WDR7: variants seen among roughly 807,000 people sequenced by gnomAD.
WDR7 encodes WD repeat-containing protein 7.
WDR7 carries 46 observed loss-of-function variants against 169.4 expected under a neutral mutation model. The observed-to-expected ratio is 0.27, with a 90% CI of 0.21 to 0.35. The LOEUF is 0.35. WDR7 is among the 10% of genes least tolerant of loss of function. WDR7 has a pLI of 1.00. For missense variants in WDR7, 1,534 were observed against 1,859.3 expected (o/e 0.83, Z 3.22); for synonymous variants, 612 against 666.8 (o/e 0.92, Z 1.27).
chr18:56,729,635 C>T (rs954704502), intron 13 of WDR7, among the ~76,000 whole-genome samples: 3 of 151,954 alleles, frequency 2.0e-5, no homozygotes, highest in African/African-American at 7.2e-5. Flanking sequence ...TTGACACAGT[C>T]TACTAATGTT....
intron 26 of WDR7, among the ~76,000 whole-genome samples, chr18:57,019,051 T>G (rs938841812): frequency 3.9e-5 from 6 of 152,188 alleles, no homozygotes; most frequent in African/African-American, 1.4e-4. Context: ...TCACATCTAT[T>G]TCATCAAATG....
intron 26 of WDR7, among the ~76,000 whole-genome samples, chr18:56,974,522 T>C (rs1182669675): frequency 6.6e-6 from 1 of 152,080 alleles, no homozygotes; most frequent in African/African-American, 2.4e-5. Context: ...ACTACCGTTA[T>C]TCAGCTTTGG....
intron 19 of WDR7, among the ~76,000 whole-genome samples, chr18:56,783,585 C>A (rs1001018176): frequency 2.0e-5 from 3 of 151,964 alleles, no homozygotes; most frequent in African/African-American, 7.3e-5. Context: ...CATCTTTATT[C>A]CAAATGGACT....
intron 4 of WDR7, among the ~76,000 whole-genome samples, chr18:56,682,060 A>C (rs1382122310): frequency 6.6e-6 from 1 of 152,230 alleles, no homozygotes; most frequent in Non-Finnish European, 1.5e-5. Context: ...AAGGAAGAGA[A>C]GGTAACTCAC....
At chr18:56,815,543 T>C (rs149060384) in intron 19 of WDR7, among the ~76,000 whole-genome samples, 21 of 152,340 alleles carry the variant, frequency 1.4e-4, no homozygotes, top group Admixed American at 8.5e-4. Context: ...TAGAGGGAGA[T>C]GTTATACTTT....
At chr18:56,866,502 A>G (rs2045884479) in intron 20 of WDR7, among the ~76,000 whole-genome samples, 2 of 152,042 alleles carry the variant, frequency 1.3e-5, no homozygotes, top group South Asian at 2.1e-4. Flanking sequence ...TATCTTTAAC[A>G]TATTTCGAAA....
intron 16 of WDR7, among the ~76,000 whole-genome samples, chr18:56,766,990 G>A (rs2044078246): frequency 6.6e-6 from 1 of 152,110 alleles, no homozygotes; most frequent in East Asian, 1.9e-4. Context: ...GGACACTTTT[G>A]TGTTCTTAAA....
chr18:56,985,438 A>G (rs2047699942), intron 26 of WDR7, among the ~76,000 whole-genome samples: 1 of 152,152 alleles, frequency 6.6e-6, no homozygotes, highest in Non-Finnish European at 1.5e-5. Context: ...ACTGTGGTAT[A>G]TATTTGTTAT....
chr18:56,875,520 C>T (rs538823025), intron 20 of WDR7, among the ~76,000 whole-genome samples: 1 of 152,162 alleles, frequency 6.6e-6, no homozygotes, highest in Non-Finnish European at 1.5e-5. Flanking sequence ...GTGCATATGA[C>T]CTACAGAATC....
Position 56,779,569 on chromosome 18 carries a change from G to C in WDR7, c.3066+20G>C. On this transcript the variant is annotated intron_variant, in intron 18 of 27. Transcript: ENST00000254442. ...TTGGAGGTAATGCTAAAGTGATAAG[G>C]ATAGAAAACAAAAATATTAAAAAGG... The C allele has an allele frequency of 6.3e-7, 1 of 1,580,600 alleles. No homozygotes were observed. Among genetic ancestry groups the C allele is most frequent in the Non-Finnish European group, 8.6e-7 (1 of 1,159,302 alleles).
At chr18:56,978,495 G>C (rs940383519) in intron 26 of WDR7, among the ~76,000 whole-genome samples, 1 of 152,048 alleles carries the variant, frequency 6.6e-6, no homozygotes, top group Non-Finnish European at 1.5e-5. Context: ...AGAAGAGAAA[G>C]GTGAGATGCC....
intron 20 of WDR7, among the ~76,000 whole-genome samples, chr18:56,866,164 A>G (rs1160921241): frequency 6.6e-6 from 1 of 152,118 alleles, no homozygotes; most frequent in Non-Finnish European, 1.5e-5. Context: ...CACTTCACAT[A>G]CTTAACTTTC....
rs1353436816 is a variant in WDR7 at position 56,844,583 on chromosome 18, CTTTAAATTTTAAAT to C, written c.3304+28440_3304+28453del. Among the ~76,000 whole-genome samples, 4 of 152,190 alleles carry C rather than the reference CTTTAAATTTTAAAT, an allele frequency of 2.6e-5. No individual in the cohort carries two copies. In the East Asian group the frequency reaches 5.8e-4, roughly 22 times the overall value. ...TTGAGCTTAAGCTTTTAATTCATTG[CTTTAAATTTTAAAT>C]GCTTATGGTAAGAGAATAAAGAGCT... On this transcript the variant is annotated intron_variant, in intron 20 of 27. Coordinates refer to ENST00000254442, the MANE Select transcript of WDR7 (RefSeq NM_015285.3).
chr18:56,781,827 G>T (rs2044322603), intron 19 of WDR7, 171 bp downstream of exon 19: 2 of 793,002 alleles, frequency 2.5e-6, no homozygotes, highest in Non-Finnish European at 3.4e-6. Context: ...CTGTAGTTTG[G>T]AACTTGCTTT....
intron 25 of WDR7, among the ~76,000 whole-genome samples, chr18:56,961,631 A>G (rs868055389): frequency 6.6e-6 from 1 of 152,200 alleles, no homozygotes; most frequent in Non-Finnish European, 1.5e-5. Flanking sequence ...CAGTATGGCA[A>G]TGCACAGACA....
At chr18:56,752,538 C>T (rs747902099) in intron 14 of WDR7, among the ~76,000 whole-genome samples, 13 of 152,132 alleles carry the variant, frequency 8.5e-5, no homozygotes, top group Non-Finnish European at 1.5e-4. Flanking sequence ...ATTTCTGACT[C>T]GTCTTGGTTC....
intron 25 of WDR7, among the ~76,000 whole-genome samples, chr18:56,958,005 T>C (rs949186625): frequency 9.2e-5 from 14 of 152,188 alleles, no homozygotes; most frequent in African/African-American, 3.4e-4. Flanking sequence ...AACTTTTAAG[T>C]TTCACACATT....
chr18:56,957,539 T>C (rs747229046), intron 25 of WDR7: 1 of 151,778 alleles, frequency 6.6e-6, no homozygotes, highest in East Asian at 1.9e-4. Flanking sequence ...GAGTAGTTAC[T>C]GTTAGTGGGT....
chr18:56,810,794 C>T (rs1056966903), intron 19 of WDR7, among the ~76,000 whole-genome samples: 1 of 152,098 alleles, frequency 6.6e-6, no homozygotes, highest in Non-Finnish European at 1.5e-5. Context: ...ACACGTAATT[C>T]ACTTAATATT....
Sources: allele counts gnomAD v4.1 joint callset (sites outside exome capture counted in the v4.1 genomes callset), GRCh38; gene constraint gnomAD v4.1.1; transcripts MANE v1.5; gene names NCBI Gene and HGNC (gene_info 2026-07-23, HGNC 2026-07-21).